Variants in KAT2B observed in about 807,000 individuals in gnomAD.
KAT2B encodes histone acetyltransferase KAT2B.
A neutral mutation model predicts 105.9 loss-of-function variants in KAT2B; 36 were observed. That is an observed-to-expected ratio of 0.34 (90% CI 0.26 to 0.45). The LOEUF (loss-of-function observed/expected upper bound fraction) is 0.45. KAT2B is among the 20% of genes least tolerant of loss of function. The probability of loss-of-function intolerance (pLI) is 1.00; values close to 1 mark genes in which losing one functional copy is unlikely to be tolerated. For missense variants in KAT2B, 820 were observed against 1,021.6 expected, an observed-to-expected ratio of 0.80 and a Z score of 2.69; for synonymous variants, 397 against 377.9, an observed-to-expected ratio of 1.05 and a Z score of -0.59.
chr3:20,148,733 C>T (rs1699819609), intron 17 of KAT2B: 1 of 396,954 alleles, frequency 2.5e-6, no homozygotes, highest in East Asian at 4.0e-5. Context: ...GCAGAAAATC[C>T]ACGGTAACTG....
At chr3:20,147,848 A>C in intron 14 of KAT2B, 115 bp from the exon 15 acceptor site, 1 of 926,414 alleles carries the variant, frequency 1.1e-6, no homozygotes, top group Non-Finnish European at 1.7e-6. Context: ...GTCGTCTCTC[A>C]GAAGTAGACT....
intron 2 of KAT2B, among the ~76,000 whole-genome samples, chr3:20,088,499 G>T (rs888912505): frequency 8.8e-4 from 134 of 152,264 alleles, no homozygotes; most frequent in African/African-American, 3.2e-3. Context: ...TCTCTGATTA[G>T]TGATGTTGAA....
chr3:20,111,343 C>G (rs1029153523), intron 5 of KAT2B, among the ~76,000 whole-genome samples: 5 of 152,164 alleles, frequency 3.3e-5, no homozygotes, highest in African/African-American at 1.2e-4. Context: ...ATCCCAGGGG[C>G]TGTTTCATTC....
rs920755493 is a variant in KAT2B, at chr3:20,052,311, C to T, written c.303+11531C>T. Among the ~76,000 whole-genome samples the T allele has an allele frequency of 2.9e-4, 44 of 152,166 alleles. 1 individual carries two copies. The highest frequency in any genetic ancestry group is 1.0e-4 in the Non-Finnish European group (7 of 68,016). On this transcript the variant is annotated intron_variant, in intron 1 of 17. Transcript: ENST00000263754. ...TAAAAAATGATTTCCTATCTGTTTT[C>T]CTTATGACAATAGAAGCTCCATGAA...
At chr3:20,117,283 C>G (rs1699222860) in intron 7 of KAT2B, among the ~76,000 whole-genome samples, 1 of 152,142 alleles carries the variant, frequency 6.6e-6, no homozygotes, top group Non-Finnish European at 1.5e-5. Flanking sequence ...TTAGTATTAC[C>G]TGAAGCCATC....
intron 1 of KAT2B, among the ~76,000 whole-genome samples, chr3:20,044,948 A>G (rs754216246): frequency 2.0e-5 from 3 of 152,228 alleles, no homozygotes; most frequent in Non-Finnish European, 4.4e-5. Context: ...CTTCTTGACA[A>G]CTAAGTAGAG....
intron 5 of KAT2B, among the ~76,000 whole-genome samples, chr3:20,110,379 A>C (rs1699098799): frequency 6.6e-6 from 1 of 152,094 alleles, no homozygotes; most frequent in Non-Finnish European, 1.5e-5. Flanking sequence ...GATAAAAAAA[A>C]AATAGGGTTG....
intron 13 of KAT2B, among the ~76,000 whole-genome samples, chr3:20,142,103 G>A (rs1196960568): frequency 6.6e-6 from 1 of 152,178 alleles, no homozygotes; most frequent in African/African-American, 2.4e-5. Flanking sequence ...GCTGAGAGCA[G>A]GATTCCCTTG....
At chr3:20,041,104 C>A (rs1697710490) in intron 1 of KAT2B, among the ~76,000 whole-genome samples, 1 of 152,182 alleles carries the variant, frequency 6.6e-6, no homozygotes. Context: ...GTCACTTTCC[C>A]GGGAGTGGAG....
intron 1 of KAT2B, among the ~76,000 whole-genome samples, chr3:20,065,616 G>A (rs994074826): frequency 4.6e-5 from 7 of 152,114 alleles, no homozygotes; most frequent in Non-Finnish European, 7.3e-5. Flanking sequence ...ATCAAGTAAC[G>A]AGTCCCATAT....
At chr3:20,118,328 TTGTGTGTGTGTG>T (rs10558647) in intron 7 of KAT2B, among the ~76,000 whole-genome samples, 6 of 139,184 alleles carry the variant, frequency 4.3e-5, no homozygotes, top group East Asian at 4.1e-4. Context: ...TCTCCTAAAT[TTGTGTGTGTGTG>T]TGTGTGTGTG....
At chr3:20,121,007 C>T (rs1484269639) in intron 8 of KAT2B, among the ~76,000 whole-genome samples, 1 of 151,874 alleles carries the variant, frequency 6.6e-6, no homozygotes, top group African/African-American at 2.4e-5. Flanking sequence ...ACACCATTAG[C>T]AGTCTAACAA....
chr3:20,131,324 A>G (rs1002419521), intron 11 of KAT2B, among the ~76,000 whole-genome samples: 5 of 151,676 alleles, frequency 3.3e-5, no homozygotes, highest in African/African-American at 1.2e-4. Context: ...CAATTTCCTG[A>G]TCTTTTTACT....
At chr3:20,097,209 C>T (rs1039402652) in intron 3 of KAT2B, among the ~76,000 whole-genome samples, 1 of 152,152 alleles carries the variant, frequency 6.6e-6, no homozygotes, top group African/African-American at 2.4e-5. Context: ...AACTGTGCTC[C>T]CTGGCAGCTC....
intron 17 of KAT2B, among the ~76,000 whole-genome samples, chr3:20,150,844 CTTT>C (rs952589399): frequency 9.2e-5 from 14 of 151,924 alleles, no homozygotes; most frequent in African/African-American, 3.4e-4. Context: ...GGACAAACTT[CTTT>C]GTGTCGTGTC....
intron 1 of KAT2B, among the ~76,000 whole-genome samples, chr3:20,046,469 G>GGA (rs1559509044): frequency 7.2e-5 from 11 of 152,170 alleles, no homozygotes; most frequent in Admixed American, 3.9e-4. Flanking sequence ...GTAGTCCCTA[G>GGA]CTACTCAGGA....
rs1158166072 is a variant in KAT2B at position 20,125,795 on chromosome 3, C to A, written c.1414-110C>A. 8 of 865,614 alleles carry A rather than the reference C, an allele frequency of 9.2e-6. No homozygotes were observed. The Admixed American group carries it at 1.6e-4, about 18-fold the overall frequency. The allele number at this position is 865,614 out of a possible 1,614,324, so 53.6% of individuals were successfully genotyped here. ...CATGTGTATTTAGGACTCTGAAAAT[C>A]CACAAATGTGTATCTTATTAGAACA... On this transcript the variant is annotated intron_variant, in intron 9 of 17. Coordinates refer to ENST00000263754, the MANE Select transcript of KAT2B (RefSeq NM_003884.5).
At chr3:20,142,671 T>TA (rs1441473385) in intron 13 of KAT2B, among the ~76,000 whole-genome samples, 1 of 152,160 alleles carries the variant, frequency 6.6e-6, no homozygotes, top group East Asian at 1.9e-4. Context: ...GTAGGATCTG[T>TA]AGGGGCCTCA....
intron 2 of KAT2B, among the ~76,000 whole-genome samples, chr3:20,082,674 A>G (rs1428674133): frequency 6.6e-6 from 1 of 152,170 alleles, no homozygotes; most frequent in Non-Finnish European, 1.5e-5. Context: ...TTTTTTGTTT[A>G]TGTAGGAAAA....
Sources: gnomAD v4.1 joint callset for allele counts (sites outside exome capture counted in the v4.1 genomes callset) on GRCh38, gnomAD v4.1.1 for gene constraint, MANE v1.5 for transcripts, NCBI Gene and HGNC (gene_info 2026-07-23, HGNC 2026-07-21) for gene names.